The following XPR1 variants were observed in gnomAD, a reference collection of about 807,000 sequenced individuals.
XPR1 encodes the protein xenotropic and polytropic retrovirus receptor 1, also known as solute carrier family 53 member 1.
A neutral mutation model predicts 87.5 loss-of-function variants in XPR1; 28 were observed. That is an observed-to-expected ratio of 0.32 (90% CI 0.24 to 0.44). XPR1 has a LOEUF of 0.44. Ranked by LOEUF, XPR1 falls within the 20% of genes least tolerant of loss-of-function variation. The pLI is 1.00. For synonymous variants in XPR1, 300 were observed against 306.1 expected (o/e 0.98, Z 0.21); for missense variants, 559 against 862.3 (o/e 0.65, Z 4.41).
chr1:180,768,864 C>G (rs1648390662), intron 2 of XPR1, among the ~76,000 whole-genome samples: 2 of 152,118 alleles, frequency 1.3e-5, no homozygotes. Context: ...TCTTTCATTG[C>G]AAGCAACTGA....
At chr1:180,661,248 T>G (rs895690767) in intron 1 of XPR1, among the ~76,000 whole-genome samples, 51 of 152,220 alleles carry the variant, frequency 3.4e-4, no homozygotes, top group African/African-American at 1.2e-3. Context: ...TCTTTATAGG[T>G]GAAGCGTGTT....
At chr1:180,720,875 C>G (rs1446970490) in intron 2 of XPR1, among the ~76,000 whole-genome samples, 2 of 152,134 alleles carry the variant, frequency 1.3e-5, no homozygotes, top group Non-Finnish European at 2.9e-5. Context: ...ATATATATCT[C>G]CATATCAGTA....
intron 2 of XPR1, among the ~76,000 whole-genome samples, chr1:180,781,864 C>T (rs1160754711): frequency 3.3e-5 from 5 of 151,836 alleles, no homozygotes; most frequent in African/African-American, 1.2e-4. Flanking sequence ...GGCACGAACT[C>T]GGCTCACTGC....
intron 2 of XPR1, among the ~76,000 whole-genome samples, chr1:180,740,678 G>A (rs1204540957): frequency 6.6e-6 from 1 of 152,178 alleles, no homozygotes; most frequent in Admixed American, 6.5e-5. Flanking sequence ...CCTAAAATGA[G>A]TTGGGAAGTG....
At chr1:180,879,993 A>G in intron 13 of XPR1, 83 bp from the exon 14 acceptor site, 1 of 1,451,316 alleles carries the variant, frequency 6.9e-7, no homozygotes, top group Non-Finnish European at 9.6e-7. Context: ...CCATGAGTGG[A>G]AACTTGATAC....
intron 1 of XPR1, among the ~76,000 whole-genome samples, chr1:180,677,781 C>G (rs1312318099): frequency 6.6e-6 from 1 of 152,098 alleles, no homozygotes; most frequent in East Asian, 1.9e-4. Flanking sequence ...AAACTACGTT[C>G]CTCCCAAAGT....
At chr1:180,733,104 T>C (rs969362761) in intron 2 of XPR1, among the ~76,000 whole-genome samples, 3 of 152,210 alleles carry the variant, frequency 2.0e-5, no homozygotes, top group African/African-American at 7.2e-5. Flanking sequence ...GATGTGCTCC[T>C]TTCTGTGTCC....
chr1:180,819,823 GC>G (rs1413279328), intron 7 of XPR1, among the ~76,000 whole-genome samples: 2 of 152,074 alleles, frequency 1.3e-5, no homozygotes, highest in Admixed American at 1.3e-4. Flanking sequence ...TTCGAGACCA[GC>G]CTAGGCAACA....
In XPR1 at chr1:180,837,835, A is replaced by G. The variant is rs139265711; in HGVS notation, c.1501+1119A>G. Among the ~76,000 whole-genome samples, 623 of 152,310 alleles carry G rather than the reference A, an allele frequency of 4.1e-3. 3 individuals are homozygous for G. The highest frequency in any genetic ancestry group is 6.9e-3 in the Non-Finnish European group (472 of 68,010). ...TATCATAATTCAGGAGGTTGTTACT[A>G]GAGAATTTATAAATTGGGCAACTGA... On this transcript the variant is annotated intron_variant, in intron 11 of 14. Coordinates refer to ENST00000367590, the MANE Select transcript of XPR1 (RefSeq NM_004736.4).
chr1:180,780,573 C>T (rs1198087669), intron 2 of XPR1, among the ~76,000 whole-genome samples: 1 of 151,866 alleles, frequency 6.6e-6, no homozygotes. Flanking sequence ...AGAGTTCCAT[C>T]CTGGCTAACA....
intron 11 of XPR1, among the ~76,000 whole-genome samples, chr1:180,837,456 AT>A (rs1651335357): frequency 6.6e-6 from 1 of 151,032 alleles, no homozygotes; most frequent in Non-Finnish European, 1.5e-5. Flanking sequence ...ACTTTGCAAA[AT>A]TTTTTTTCAG....
At chr1:180,741,615 T>C (rs1658927859) in intron 2 of XPR1, among the ~76,000 whole-genome samples, 1 of 151,998 alleles carries the variant, frequency 6.6e-6, no homozygotes, top group South Asian at 2.1e-4. Flanking sequence ...GCCTCCTGAG[T>C]AGCTGGGATT....
At chr1:180,694,469 A>T (rs1657095866) in intron 2 of XPR1, among the ~76,000 whole-genome samples, 2 of 152,156 alleles carry the variant, frequency 1.3e-5, no homozygotes, top group African/African-American at 4.8e-5. Context: ...TGAGTGTATA[A>T]AATATAGTAA....
intron 1 of XPR1, among the ~76,000 whole-genome samples, chr1:180,653,703 T>C (rs1655363648): frequency 6.6e-6 from 1 of 152,174 alleles, no homozygotes; most frequent in South Asian, 2.1e-4. Flanking sequence ...AATAGAACAA[T>C]TAAAATAATA....
chr1:180,845,884 A>G (rs1370850839), intron 11 of XPR1, among the ~76,000 whole-genome samples: 1 of 152,214 alleles, frequency 6.6e-6, no homozygotes, highest in African/African-American at 2.4e-5. Flanking sequence ...CAAAACTAAC[A>G]TATTAATGTT....
chr1:180,688,186 G>A (rs2101953419), intron 2 of XPR1, among the ~76,000 whole-genome samples: 1 of 151,102 alleles, frequency 6.6e-6, no homozygotes, highest in East Asian at 2.0e-4. Context: ...CTGTGTGGCT[G>A]GGATTACAGG....
chr1:180,839,616 A>C (rs549690763), intron 11 of XPR1, among the ~76,000 whole-genome samples: 3 of 152,196 alleles, frequency 2.0e-5, no homozygotes, highest in Non-Finnish European at 4.4e-5. Flanking sequence ...GGGGCCTGCA[A>C]ATGAAATTGA....
rs549145587 is a variant in XPR1 at position 180,758,973 on chromosome 1, T to C, written c.122-28780T>C. 2.4e-4 allele frequency among the ~76,000 whole-genome samples: 37 copies of C among 152,210 alleles called. No homozygotes were observed. In the East Asian group the frequency reaches 5.4e-3, roughly 22 times the overall value. On this transcript the variant is annotated intron_variant, in intron 2 of 14. Transcript: ENST00000367590. ...CAGGACTAAGAAACTCACTCAAAAC[T>C]GCTCAACTACATGGAAACTGAACAA... is the stretch of plus-strand genomic sequence containing the variant.
intron 7 of XPR1, 90 bp from the exon 8 acceptor site, chr1:180,824,663 G>T: frequency 1.8e-6 from 2 of 1,122,432 alleles, no homozygotes; most frequent in Non-Finnish European, 1.3e-6. Context: ...TCTATGCCAG[G>T]GCTATATCAT....
Sources: allele counts gnomAD v4.1 joint callset (sites outside exome capture counted in the v4.1 genomes callset), GRCh38; gene constraint gnomAD v4.1.1; transcripts MANE v1.5; gene names NCBI Gene and HGNC (gene_info 2026-07-23, HGNC 2026-07-21).